The following CAMK1D variants were observed in gnomAD, a reference collection of about 807,000 sequenced individuals.
The protein encoded by CAMK1D is calcium/calmodulin-dependent protein kinase type 1D.
Under a neutral mutation model 47.7 loss-of-function variants are expected in CAMK1D, and 9 were observed. The observed-to-expected ratio is 0.19, with a 90% confidence interval of 0.11 to 0.33. CAMK1D has a LOEUF of 0.33. Among genes scored for constraint, CAMK1D ranks in the 10% least tolerant of loss-of-function variants. CAMK1D has a pLI of 1.00. For missense variants in CAMK1D, 291 were observed against 488.7 expected (o/e 0.60, Z 3.81); for synonymous variants, 184 against 184.9 (o/e 0.99, Z 0.04).
intron 1 of CAMK1D, among the ~76,000 whole-genome samples, chr10:12,396,000 A>G (rs1268729988): frequency 6.6e-6 from 1 of 151,832 alleles, no homozygotes; most frequent in African/African-American, 2.4e-5. Context: ...CAGCCTCCCG[A>G]GTAGCTGGGA....
chr10:12,752,444 G>A (rs1360248644), intron 3 of CAMK1D, among the ~76,000 whole-genome samples: 26 of 152,146 alleles, frequency 1.7e-4, no homozygotes, highest in Admixed American at 1.7e-3. Context: ...TTGGAGACTC[G>A]GGAGGGTAGA....
chr10:12,788,441 G>A (rs1373570910), intron 5 of CAMK1D, among the ~76,000 whole-genome samples: 5 of 152,182 alleles, frequency 3.3e-5, no homozygotes, highest in South Asian at 4.1e-4. Context: ...GGAACCTAGC[G>A]CCTCCACCCC....
intron 1 of CAMK1D, among the ~76,000 whole-genome samples, chr10:12,493,974 T>C (rs1416529342): frequency 6.6e-6 from 1 of 151,872 alleles, no homozygotes; most frequent in Non-Finnish European, 1.5e-5. Context: ...TGGACGGAGG[T>C]GAGGGGAAAT....
At chr10:12,727,448 C>G (rs1214333658) in intron 3 of CAMK1D, among the ~76,000 whole-genome samples, 1 of 152,172 alleles carries the variant, frequency 6.6e-6, no homozygotes, top group African/African-American at 2.4e-5. Flanking sequence ...GTTTTGACAA[C>G]GTTTGCACTG....
chr10:12,433,670 T>G (rs1000646270), intron 1 of CAMK1D, among the ~76,000 whole-genome samples: 4 of 152,160 alleles, frequency 2.6e-5, no homozygotes, highest in African/African-American at 9.7e-5. Flanking sequence ...ATTTGCTGAA[T>G]GGAAAACCAT....
intron 1 of CAMK1D, among the ~76,000 whole-genome samples, chr10:12,370,524 C>A (rs1837972985): frequency 6.6e-6 from 1 of 152,080 alleles, no homozygotes; most frequent in South Asian, 2.1e-4. Context: ...TGCGTGAAGA[C>A]CTTCCAGTGG....
intron 1 of CAMK1D, among the ~76,000 whole-genome samples, chr10:12,545,986 G>A (rs1836357293): frequency 6.6e-6 from 1 of 152,176 alleles, no homozygotes; most frequent in South Asian, 2.1e-4. Context: ...ACGGCGTGGA[G>A]TGTTTGTACT....
chr10:12,382,382 G>T (rs1441687310), intron 1 of CAMK1D, among the ~76,000 whole-genome samples: 1 of 151,798 alleles, frequency 6.6e-6, no homozygotes, highest in Non-Finnish European at 1.5e-5. Context: ...AGATGATAAG[G>T]TACTTGTGGG....
At chr10:12,781,878 C>A (rs1337965054) in intron 5 of CAMK1D, among the ~76,000 whole-genome samples, 1 of 152,018 alleles carries the variant, frequency 6.6e-6, no homozygotes, top group African/African-American at 2.4e-5. Context: ...AAACTCCTGA[C>A]CTCAGGTGAC....
chr10:12,401,805 C>G (rs1839234760), intron 1 of CAMK1D, among the ~76,000 whole-genome samples: 1 of 151,706 alleles, frequency 6.6e-6, no homozygotes, highest in Non-Finnish European at 1.5e-5. Flanking sequence ...AGAAGACGGT[C>G]TGTTTTGGCA....
intron 3 of CAMK1D, among the ~76,000 whole-genome samples, chr10:12,702,659 T>C (rs1367319884): frequency 6.6e-6 from 1 of 152,192 alleles, no homozygotes; most frequent in Admixed American, 6.5e-5. Flanking sequence ...ATCCCAGTTT[T>C]ACAAGAGAAG....
In CAMK1D at chr10:12,599,957, G is replaced by A. The variant is rs537175240; in HGVS notation, c.224+46601G>A. Among the ~76,000 whole-genome samples, 7 of 152,228 alleles carry A rather than the reference G, an allele frequency of 4.6e-5. No individual in the cohort carries two copies. The East Asian group carries it at 9.6e-4, about 21-fold the overall frequency. Reference sequence around the variant, plus strand: ...ATTTTTTAAGAAAATACAGTAGAACGAGCAAGATGTGGTGGCGTGTTCCTG... The same window carrying A: ...ATTTTTTAAGAAAATACAGTAGAACAAGCAAGATGTGGTGGCGTGTTCCTG... On this transcript the variant is annotated intron_variant, in intron 2 of 10. Coordinates refer to ENST00000619168, the MANE Select transcript of CAMK1D (RefSeq NM_153498.4).
intron 1 of CAMK1D, among the ~76,000 whole-genome samples, chr10:12,541,888 T>TTCCTTCC (rs769033268): frequency 2.2e-5 from 3 of 137,662 alleles, no homozygotes; most frequent in Non-Finnish European, 4.7e-5. Flanking sequence ...CCTTCCTTCC[T>TTCCTTCC]TTTTTTTTTT....
chr10:12,555,355 G>A (rs554756119), intron 2 of CAMK1D, among the ~76,000 whole-genome samples: 2 of 152,314 alleles, frequency 1.3e-5, no homozygotes, highest in South Asian at 4.1e-4. Flanking sequence ...TACAGCATGC[G>A]GGATAAGTGT....
chr10:12,549,240 A>C (rs968729937), intron 1 of CAMK1D, among the ~76,000 whole-genome samples: 1 of 152,206 alleles, frequency 6.6e-6, no homozygotes. Flanking sequence ...AGTCCCTAGC[A>C]ACCACAGTTC....
intron 1 of CAMK1D, among the ~76,000 whole-genome samples, chr10:12,453,592 C>T (rs1482250568): frequency 6.6e-6 from 1 of 152,124 alleles, no homozygotes; most frequent in African/African-American, 2.4e-5. Context: ...AACCTTTTGG[C>T]TATTGTGAAT....
At chr10:12,771,610 C>T (rs116413995) in intron 5 of CAMK1D, among the ~76,000 whole-genome samples, 1,529 of 152,094 alleles carry the variant, frequency 0.01, 30 homozygotes, top group African/African-American at 0.035. Context: ...GGTTTAGAAG[C>T]GGGGAGATGC....
At chr10:12,779,287 G>T (rs1425171953) in intron 5 of CAMK1D, among the ~76,000 whole-genome samples, 1 of 152,188 alleles carries the variant, frequency 6.6e-6, no homozygotes, top group African/African-American at 2.4e-5. Context: ...GTAAAATTAT[G>T]TATATTGCCT....
At chr10:12,411,160 C>T (rs1046419857) in intron 1 of CAMK1D, among the ~76,000 whole-genome samples, 1 of 152,182 alleles carries the variant, frequency 6.6e-6, no homozygotes, top group African/African-American at 2.4e-5. Flanking sequence ...AGCCTGGGTG[C>T]CCACTAACCA....
Sources: gnomAD v4.1 joint callset for allele counts (sites outside exome capture counted in the v4.1 genomes callset) on GRCh38, gnomAD v4.1.1 for gene constraint, MANE v1.5 for transcripts, NCBI Gene and HGNC (gene_info 2026-07-23, HGNC 2026-07-21) for gene names.